The following MBD5 variants were observed in gnomAD, a reference collection of about 807,000 sequenced individuals.
The protein encoded by MBD5 is methyl-CpG binding domain protein 5.
MBD5 carries 13 observed loss-of-function variants against 117.3 expected under a neutral mutation model. The observed-to-expected ratio is 0.11, with a 90% CI of 0.07 to 0.18. The LOEUF (loss-of-function observed/expected upper bound fraction) is 0.18, where lower values mean the gene tolerates loss of function less well. Ranked by LOEUF, MBD5 falls within the 10% of genes least tolerant of loss-of-function variation. The pLI, the probability that MBD5 is intolerant of heterozygous loss-of-function variation, is 1.00. For missense variants in MBD5, 1,879 were observed against 2,093.8 expected, an observed-to-expected ratio of 0.90 and a Z score of 2.00; for synonymous variants, 727 against 766.4, an observed-to-expected ratio of 0.95 and a Z score of 0.85.
At chr2:148,355,130 T>A (rs1423417494) in intron 4 of MBD5, among the ~76,000 whole-genome samples, 1 of 152,134 alleles carries the variant, frequency 6.6e-6, no homozygotes, top group Non-Finnish European at 1.5e-5. Context: ...TTTGTTTTTT[T>A]TCTTGTAAAT....
chr2:148,477,783 T>C (rs1161186016), intron 8 of MBD5, among the ~76,000 whole-genome samples: 1 of 152,156 alleles, frequency 6.6e-6, no homozygotes, highest in Non-Finnish European at 1.5e-5. Flanking sequence ...CCAAAGCAAA[T>C]GATAAAGGTC....
intron 1 of MBD5, among the ~76,000 whole-genome samples, chr2:148,082,354 A>G (rs952217680): frequency 2.6e-5 from 4 of 152,176 alleles, no homozygotes; most frequent in African/African-American, 7.2e-5. Flanking sequence ...TCTTTCAAGT[A>G]TCTTTATTCC....
At chr2:148,359,723 A>T (rs1559038887) in intron 4 of MBD5, among the ~76,000 whole-genome samples, 1 of 152,178 alleles carries the variant, frequency 6.6e-6, no homozygotes, top group Non-Finnish European at 1.5e-5. Flanking sequence ...CATGATCTCT[A>T]TGAATCCTAG....
intron 3 of MBD5, among the ~76,000 whole-genome samples, chr2:148,304,262 A>G (rs1701839426): frequency 6.6e-6 from 1 of 152,214 alleles, no homozygotes. Context: ...GGTAATATTA[A>G]CATCAAGAAA....
At chr2:148,095,576 G>T (rs1293574491) in intron 1 of MBD5, among the ~76,000 whole-genome samples, 2 of 151,990 alleles carry the variant, frequency 1.3e-5, no homozygotes, top group Non-Finnish European at 2.9e-5. Context: ...TCTTATAAAA[G>T]GTGGAAACAA....
intron 3 of MBD5, among the ~76,000 whole-genome samples, chr2:148,327,176 C>G (rs1181303611): frequency 6.6e-6 from 1 of 152,144 alleles, no homozygotes; most frequent in Admixed American, 6.5e-5. Flanking sequence ...GAACTCTCTT[C>G]TGGCTTGTAG....
chr2:148,484,739 A>G (rs1681281004), intron 9 of MBD5, among the ~76,000 whole-genome samples: 1 of 152,196 alleles, frequency 6.6e-6, no homozygotes, highest in African/African-American at 2.4e-5. Flanking sequence ...TTAAAAATAC[A>G]GTTTTTCATC....
intron 2 of MBD5, among the ~76,000 whole-genome samples, chr2:148,188,790 C>T (rs1240294513): frequency 2.6e-5 from 4 of 152,002 alleles, no homozygotes; most frequent in African/African-American, 9.7e-5. Context: ...CGGTCTACAG[C>T]TCCCAGCGTG....
intron 4 of MBD5, among the ~76,000 whole-genome samples, chr2:148,413,425 T>G (rs966494688): frequency 6.6e-6 from 1 of 152,010 alleles, no homozygotes; most frequent in Non-Finnish European, 1.5e-5. Context: ...TGAAGTTTTC[T>G]TTTTTTGTTG....
At chr2:148,430,062 T>C (rs193270048) in intron 4 of MBD5, among the ~76,000 whole-genome samples, 4 of 152,300 alleles carry the variant, frequency 2.6e-5, no homozygotes, top group East Asian at 1.9e-4. Context: ...CATTTTCTTA[T>C]GGCATTTTAT....
intron 3 of MBD5, among the ~76,000 whole-genome samples, chr2:148,332,328 T>G (rs1170737382): frequency 6.6e-6 from 1 of 152,192 alleles, no homozygotes; most frequent in African/African-American, 2.4e-5. Context: ...CTAACTCTGC[T>G]TTTCCTAAAA....
intron 3 of MBD5, among the ~76,000 whole-genome samples, chr2:148,289,463 C>G (rs1559007088): frequency 6.6e-6 from 1 of 152,086 alleles, no homozygotes; most frequent in Non-Finnish European, 1.5e-5. Flanking sequence ...ATTAGTACAA[C>G]TCTTGGAAAA....
At chr2:148,367,780 A>G (rs1703743957) in intron 4 of MBD5, among the ~76,000 whole-genome samples, 1 of 152,252 alleles carries the variant, frequency 6.6e-6, no homozygotes, top group Non-Finnish European at 1.5e-5. Context: ...ACAATGAGAT[A>G]GCATTTCACA....
intron 3 of MBD5, among the ~76,000 whole-genome samples, chr2:148,257,620 A>G (rs1700620704): frequency 6.6e-6 from 1 of 152,232 alleles, no homozygotes; most frequent in Non-Finnish European, 1.5e-5. Flanking sequence ...TAAATCTGCA[A>G]GAGAATCAGA....
At position 148,081,458 on chromosome 2, in the gene MBD5, G is replaced by A. The variant is rs182495217; in HGVS notation, c.-925+59774G>A. ...TTCTCTCACCATCTCTCCTGGTTTC[G>A]ACTACAATACTAGAGAAATATTAAA... is the stretch of plus-strand genomic sequence containing the variant. On this transcript the variant is annotated intron_variant, in intron 1 of 13. Coordinates refer to ENST00000642680, the MANE Select transcript of MBD5 (RefSeq NM_001378120.1). 9.9e-5 allele frequency among the ~76,000 whole-genome samples: 15 copies of A among 152,122 alleles called. 2 individuals carry two copies. The highest frequency in any genetic ancestry group is 6.8e-3 in the Middle Eastern group (2 of 294).
intron 1 of MBD5, among the ~76,000 whole-genome samples, chr2:148,138,739 A>G (rs1558941559): frequency 6.6e-6 from 1 of 152,240 alleles, no homozygotes; most frequent in Non-Finnish European, 1.5e-5. Flanking sequence ...TTGAATGGAT[A>G]TGGGTAGGGA....
intron 1 of MBD5, among the ~76,000 whole-genome samples, chr2:148,088,545 G>T (rs1410758003): frequency 6.6e-6 from 1 of 151,996 alleles, no homozygotes; most frequent in East Asian, 1.9e-4. Flanking sequence ...AAGGGACTAG[G>T]GTCCTATTTT....
At chr2:148,063,783 A>T (rs1169340426) in intron 1 of MBD5, among the ~76,000 whole-genome samples, 1 of 151,976 alleles carries the variant, frequency 6.6e-6, no homozygotes, top group South Asian at 2.1e-4. Flanking sequence ...CTTATTTTCC[A>T]ATATCTAAGC....
chr2:148,181,264 A>G (rs774850637), intron 2 of MBD5, among the ~76,000 whole-genome samples: 2 of 152,108 alleles, frequency 1.3e-5, no homozygotes, highest in Non-Finnish European at 2.9e-5. Flanking sequence ...CCATATTTTC[A>G]CTACCCATTT....
Sources: gnomAD v4.1 joint callset for allele counts (sites outside exome capture counted in the v4.1 genomes callset) on GRCh38, gnomAD v4.1.1 for gene constraint, MANE v1.5 for transcripts, NCBI Gene and HGNC (gene_info 2026-07-23, HGNC 2026-07-21) for gene names.